The following CEP128 variants were observed in gnomAD, a reference collection of about 807,000 sequenced individuals.
CEP128 encodes the protein centrosomal protein 128.
A neutral mutation model predicts 156.7 loss-of-function variants in CEP128; 132 were observed. That is an observed-to-expected ratio of 0.84 (90% confidence interval 0.73 to 0.97). CEP128 has a LOEUF of 0.97. Ranked by LOEUF, CEP128 falls within the 50% of genes least tolerant of loss-of-function variation. The pLI is 0.00. For synonymous variants in CEP128, 469 were observed against 448.9 expected (o/e 1.04, Z -0.57); for missense variants, 1,252 against 1,281.9 (o/e 0.98, Z 0.36).
At chr14:80,815,821 T>G (rs113070487) in intron 13 of CEP128, among the ~76,000 whole-genome samples, 4 of 152,256 alleles carry the variant, frequency 2.6e-5, no homozygotes, top group African/African-American at 9.6e-5. Flanking sequence ...GTGAAACAAC[T>G]CAAAAACAGA....
At chr14:80,491,312 G>A (rs565921455) in intron 6 of CEP128, among the ~76,000 whole-genome samples, 1 of 152,312 alleles carries the variant, frequency 6.6e-6, no homozygotes, top group South Asian at 2.1e-4. Context: ...AGCAGCATGA[G>A]GTCTCTCAAG....
chr14:80,669,049 T>G (rs985826229), intron 19 of CEP128, among the ~76,000 whole-genome samples: 15 of 152,194 alleles, frequency 9.9e-5, no homozygotes, highest in Admixed American at 9.8e-4. Flanking sequence ...GGTATGACTT[T>G]ATTAGCAGCA....
intron 21 of CEP128, among the ~76,000 whole-genome samples, chr14:80,554,880 G>A (rs936830028): frequency 6.6e-6 from 1 of 150,748 alleles, no homozygotes; most frequent in Non-Finnish European, 1.5e-5. Context: ...ATCTTATGTT[G>A]GGTGATAAGC....
rs541519096 is a variant in CEP128, at chr14:80,567,114, G to A, written c.2857-7812C>T. Among the ~76,000 whole-genome samples, 7 of 152,218 alleles carry A rather than the reference G, an allele frequency of 4.6e-5. No homozygotes were observed. In the East Asian group the frequency reaches 1.4e-3, roughly 29 times the overall value. On this transcript the variant is annotated intron_variant, in intron 20 of 24. Transcript: ENST00000555265. ...TTGATCCACATTTCCAATATGTTCT[G>A]TCATTTACTACTATTGCCTTGACAG...
intron 21 of CEP128, among the ~76,000 whole-genome samples, chr14:80,533,720 T>C (rs1479808645): frequency 6.6e-6 from 1 of 152,190 alleles, no homozygotes; most frequent in Non-Finnish European, 1.5e-5. Flanking sequence ...TTCCTCACTA[T>C]TTATTTCACT....
chr14:80,776,251 T>C (rs1392655985), intron 16 of CEP128, among the ~76,000 whole-genome samples: 1 of 152,092 alleles, frequency 6.6e-6, no homozygotes, highest in Admixed American at 6.5e-5. Context: ...AGAATTTTAT[T>C]TTGAAAAAGT....
intron 19 of CEP128, among the ~76,000 whole-genome samples, chr14:80,670,957 A>G (rs1020356034): frequency 6.6e-6 from 1 of 152,186 alleles, no homozygotes; most frequent in African/African-American, 2.4e-5. Flanking sequence ...CAATAGTACT[A>G]ATTGTTACCT....
At chr14:80,714,398 A>G (rs941839893) in intron 19 of CEP128, among the ~76,000 whole-genome samples, 6 of 152,146 alleles carry the variant, frequency 3.9e-5, no homozygotes, top group Non-Finnish European at 7.3e-5. Context: ...AAGGCAGAAG[A>G]AAAGTAACAG....
intron 9 of CEP128, among the ~76,000 whole-genome samples, chr14:80,857,527 G>A (rs1308049130): frequency 6.6e-6 from 1 of 151,900 alleles, no homozygotes; most frequent in Non-Finnish European, 1.5e-5. Flanking sequence ...GAGGTCAGGA[G>A]TTTAAGACCA....
chr14:80,781,063 ATTC>A (rs1314865207), intron 15 of CEP128, among the ~76,000 whole-genome samples: 2 of 152,234 alleles, frequency 1.3e-5, no homozygotes, highest in East Asian at 1.9e-4. Flanking sequence ...ATTTGGCAGA[ATTC>A]TTCTTCCTGC....
At chr14:80,824,186 C>T (rs1657671746) in intron 13 of CEP128, among the ~76,000 whole-genome samples, 1 of 152,212 alleles carries the variant, frequency 6.6e-6, no homozygotes, top group African/African-American at 2.4e-5. Context: ...AGCCCCTAGG[C>T]TGCACACCAC....
At chr14:80,910,012 A>G (rs941922942) in intron 4 of CEP128, among the ~76,000 whole-genome samples, 4 of 152,198 alleles carry the variant, frequency 2.6e-5, no homozygotes, top group African/African-American at 9.7e-5. Flanking sequence ...ACTAACTACA[A>G]TGTTATAAAT....
intron 1 of CEP128, among the ~76,000 whole-genome samples, chr14:80,941,329 T>C (rs899740328): frequency 1.3e-5 from 2 of 152,154 alleles, no homozygotes; most frequent in Admixed American, 6.5e-5. Context: ...AAGGACAATG[T>C]AGTCCAGATT....
At chr14:80,564,404 C>T (rs1377423343) in intron 20 of CEP128, among the ~76,000 whole-genome samples, 1 of 152,124 alleles carries the variant, frequency 6.6e-6, no homozygotes, top group Non-Finnish European at 1.5e-5. Flanking sequence ...TAAGGAGAAG[C>T]CATATGATAT....
chr14:80,795,352 T>C lies in CEP128; in HGVS notation c.1210-2242A>G, dbSNP rs944127936. On this transcript the variant is annotated intron_variant, in intron 13 of 24. Transcript: ENST00000555265. ...TTCCTTCTGTGTTATCTGTGCTTCA[T>C]TGTCAAGGAGATGACCACTCCCTTG... Among the ~76,000 whole-genome samples the C allele has an allele frequency of 3.1e-4, 47 of 152,352 alleles. 1 individual carries two copies. The highest frequency in any genetic ancestry group is 3.4e-3 in the Middle Eastern group (1 of 294).
intron 21 of CEP128, among the ~76,000 whole-genome samples, chr14:80,549,076 C>T (rs10498544): frequency 0.11 from 16,826 of 152,124 alleles, 1,289 homozygotes; most frequent in East Asian, 0.34. Context: ...TGTTGGAAAA[C>T]GTACATAGCT....
At position 80,751,034 on chromosome 14, in the gene CEP128, G is replaced by C. The variant is rs73340538; in HGVS notation, c.2613+5858C>G. 8.1e-3 allele frequency among the ~76,000 whole-genome samples: 1,231 copies of C among 152,286 alleles called. 17 individuals are homozygous for C. The highest frequency in any genetic ancestry group is 0.028 in the African/African-American group (1,144 of 41,558). Reference sequence around the variant, plus strand: ...AAGGAAGGTCACATAAGCACACAAAGAGAAGGTGGCCATCTATGAGCCAGG... The same window carrying C: ...AAGGAAGGTCACATAAGCACACAAACAGAAGGTGGCCATCTATGAGCCAGG... On this transcript the variant is annotated intron_variant, in intron 18 of 24. Coordinates refer to ENST00000555265, the MANE Select transcript of CEP128 (RefSeq NM_152446.5).
downstream of CEP128, among the ~76,000 whole-genome samples, chr14:80,495,904 T>C (rs1887477592): frequency 6.6e-6 from 1 of 152,204 alleles, no homozygotes; most frequent in South Asian, 2.1e-4. Context: ...TGGAAATACA[T>C]TCTCAATACT....
Position 80,579,772 on chromosome 14 carries a change from C to T in CEP128, c.2856+602G>A, listed in dbSNP as rs190611147. On this transcript the variant is annotated intron_variant, in intron 20 of 24. Coordinates refer to ENST00000555265, the MANE Select transcript of CEP128 (RefSeq NM_152446.5). The stretch of plus-strand genomic sequence containing the variant: ...AATAAAGACAGACACTTGAGTTACC[C>T]ATTTGTAAGTTAGCCCAATGTGAAA... Among the ~76,000 whole-genome samples, 96 of 152,300 alleles carry T rather than the reference C, an allele frequency of 6.3e-4. 1 individual carries two copies. The highest frequency in any genetic ancestry group is 6.0e-3 in the East Asian group (31 of 5,188).
Sources: allele counts gnomAD v4.1 joint callset (sites outside exome capture counted in the v4.1 genomes callset), GRCh38; gene constraint gnomAD v4.1.1; transcripts MANE v1.5; gene names NCBI Gene and HGNC (gene_info 2026-07-23, HGNC 2026-07-21).